Variants in RGS6 observed in about 807,000 individuals in gnomAD.
The protein encoded by RGS6 is regulator of G-protein signaling 6.
In RGS6, 30 loss-of-function variants were observed where a neutral mutation model predicts 78.5. The ratio of observed to expected loss-of-function variants is 0.38; its 90% CI spans 0.29 to 0.52. The LOEUF is 0.52. RGS6 is among the 20% of genes least tolerant of loss of function. RGS6 has a pLI of 0.85. For missense variants in RGS6, 495 were observed against 609.7 expected (o/e 0.81, Z 1.98); for synonymous variants, 206 against 206.0 (o/e 1.00, Z 0.00).
chr14:72,182,139 G>A (rs921701071), intron 2 of RGS6, among the ~76,000 whole-genome samples: 26 of 152,140 alleles, frequency 1.7e-4, no homozygotes, highest in Non-Finnish European at 3.7e-4. Context: ...GCCAGGCGCA[G>A]TGGCTCACGC....
At chr14:72,222,971 C>T (rs1034230040) in intron 2 of RGS6, among the ~76,000 whole-genome samples, 2 of 152,216 alleles carry the variant, frequency 1.3e-5, no homozygotes, top group Non-Finnish European at 2.9e-5. Context: ...TTCTTCGTAT[C>T]ACAAACTCCA....
chr14:72,171,497 G>A (rs746821456), intron 2 of RGS6, among the ~76,000 whole-genome samples: 64 of 152,274 alleles, frequency 4.2e-4, no homozygotes, highest in Non-Finnish European at 4.3e-4. Context: ...AAAACATAAG[G>A]TACCACTGTG....
intron 3 of RGS6, among the ~76,000 whole-genome samples, chr14:72,433,265 AC>A (rs1431275635): frequency 3.3e-5 from 5 of 150,702 alleles, no homozygotes; most frequent in Non-Finnish European, 7.4e-5. Context: ...GAGACTGGCC[AC>A]CCTGTTTCTT....
intron 3 of RGS6, among the ~76,000 whole-genome samples, chr14:72,425,549 C>T (rs1202845847): frequency 6.6e-6 from 1 of 152,162 alleles, no homozygotes; most frequent in Non-Finnish European, 1.5e-5. Flanking sequence ...AGAATAAATA[C>T]CGATGGCCAA....
At chr14:72,558,081 G>A (rs551281096) in intron 17 of RGS6, among the ~76,000 whole-genome samples, 56 of 152,100 alleles carry the variant, frequency 3.7e-4, no homozygotes, top group African/African-American at 7.5e-4. Flanking sequence ...GTATGCACCC[G>A]TGTAACGTAT....
chr14:72,256,060 CA>C (rs1199995665), intron 2 of RGS6, among the ~76,000 whole-genome samples: 3 of 152,196 alleles, frequency 2.0e-5, no homozygotes, highest in Admixed American at 2.0e-4. Flanking sequence ...CAGACAGAGC[CA>C]AGGCACTGAG....
At chr14:72,100,574 A>T (rs554757524) in intron 2 of RGS6, among the ~76,000 whole-genome samples, 1 of 152,340 alleles carries the variant, frequency 6.6e-6, no homozygotes, top group South Asian at 2.1e-4. Flanking sequence ...GAAGTGTCAC[A>T]AACTGTCAGT....
chr14:72,200,397 G>T (rs1016210908), intron 2 of RGS6, among the ~76,000 whole-genome samples: 1 of 152,230 alleles, frequency 6.6e-6, no homozygotes, highest in African/African-American at 2.4e-5. Context: ...AGTAACATCA[G>T]TGAAGGCTCT....
At chr14:71,983,780 A>C (rs1040530327) in intron 2 of RGS6, among the ~76,000 whole-genome samples, 3 of 152,206 alleles carry the variant, frequency 2.0e-5, no homozygotes, top group African/African-American at 7.2e-5. Context: ...CAAAGACCCT[A>C]ATTTCCAAAT....
At chr14:71,874,577 A>G in the RGS6 span, among the ~76,000 whole-genome samples, 1 of 152,194 alleles carries the variant, frequency 6.6e-6, no homozygotes, top group East Asian at 1.9e-4. Context: ...GTACAATCAT[A>G]TCATCTGCAA....
chr14:71,978,625 G>A (rs2094279711), intron 2 of RGS6, among the ~76,000 whole-genome samples: 1 of 140,662 alleles, frequency 7.1e-6, no homozygotes, highest in Non-Finnish European at 1.5e-5. Flanking sequence ...ACTTGATCAT[G>A]GTGGATAAGC....
chr14:72,333,533 C>T (rs1459627792), intron 2 of RGS6, among the ~76,000 whole-genome samples: 1 of 152,218 alleles, frequency 6.6e-6, no homozygotes, highest in African/African-American at 2.4e-5. Context: ...CATGCAGCTC[C>T]CACTGCTGTA....
At chr14:72,411,177 C>G (rs1258832443) in intron 3 of RGS6, among the ~76,000 whole-genome samples, 1 of 152,144 alleles carries the variant, frequency 6.6e-6, no homozygotes. Context: ...GCCATTTTCA[C>G]GATATTGATT....
chr14:72,105,012 C>T (rs1382962840), intron 2 of RGS6, among the ~76,000 whole-genome samples: 1 of 152,178 alleles, frequency 6.6e-6, no homozygotes, highest in Non-Finnish European at 1.5e-5. Context: ...TCCTTGGTCT[C>T]TAGTCTAGTC....
the RGS6 span, among the ~76,000 whole-genome samples, chr14:72,605,208 T>C: frequency 7.9e-5 from 12 of 152,198 alleles, no homozygotes; most frequent in African/African-American, 2.7e-4. Flanking sequence ...GACAGAGCTT[T>C]CCATGCTGGA....
intron 3 of RGS6, among the ~76,000 whole-genome samples, chr14:72,440,916 G>A (rs1251978853): frequency 1.3e-5 from 2 of 152,060 alleles, no homozygotes; most frequent in Non-Finnish European, 2.9e-5. Flanking sequence ...AGGTGTGTAA[G>A]TGGGTGTGAA....
At chr14:72,512,583 C>T (rs770962263) in intron 14 of RGS6, among the ~76,000 whole-genome samples, 2 of 152,198 alleles carry the variant, frequency 1.3e-5, no homozygotes, top group African/African-American at 4.8e-5. Context: ...TGCAGAAATC[C>T]AGACTTCAGA....
At chr14:72,280,025 T>G (rs2061322019) in intron 2 of RGS6, among the ~76,000 whole-genome samples, 1 of 152,208 alleles carries the variant, frequency 6.6e-6, no homozygotes, top group Admixed American at 6.6e-5. Flanking sequence ...GTACTGTGTT[T>G]GATGCACATA....
At chr14:72,326,047 C>T (rs1221895162) in intron 2 of RGS6, among the ~76,000 whole-genome samples, 3 of 152,180 alleles carry the variant, frequency 2.0e-5, no homozygotes, top group African/African-American at 7.2e-5. Context: ...AGGAATTCCT[C>T]CTACATTACA....
Sources: gnomAD v4.1 joint callset for allele counts (sites outside exome capture counted in the v4.1 genomes callset) on GRCh38, gnomAD v4.1.1 for gene constraint, MANE v1.5 for transcripts, NCBI Gene and HGNC (gene_info 2026-07-23, HGNC 2026-07-21) for gene names.